The following BCL2L1 variants were observed in gnomAD, a reference collection of about 807,000 sequenced individuals.
BCL2L1 encodes the protein bcl-2-like protein 1.
BCL2L1 carries 1 observed loss-of-function variant against 18.7 expected under a neutral mutation model. The ratio of observed to expected loss-of-function variants is 0.05; its 90% CI spans 0.02 to 0.25. The LOEUF (loss-of-function observed/expected upper bound fraction) is 0.25, where lower values mean the gene tolerates loss of function less well. BCL2L1 is among the 10% of genes least tolerant of loss of function. BCL2L1 has a pLI of 1.00. For missense variants in BCL2L1, 207 were observed against 304.9 expected, an observed-to-expected ratio of 0.68 and a Z score of 2.39; for synonymous variants, 103 against 122.7, an observed-to-expected ratio of 0.84 and a Z score of 1.06.
intron 2 of BCL2L1, among the ~76,000 whole-genome samples, chr20:31,721,313 T>C (rs975079369): frequency 6.6e-6 from 1 of 152,192 alleles, no homozygotes; most frequent in South Asian, 2.1e-4. Flanking sequence ...AACCATTGTA[T>C]AAGGTAAGGG....
intron 2 of BCL2L1, among the ~76,000 whole-genome samples, chr20:31,715,404 A>G (rs938707304): frequency 1.2e-4 from 18 of 150,956 alleles, no homozygotes; most frequent in Admixed American, 1.1e-3. Context: ...CCCACCTTCT[A>G]CCCTTTTCCC....
chr20:31,684,769 G>A (rs1325097419), intron 2 of BCL2L1, among the ~76,000 whole-genome samples: 2 of 152,194 alleles, frequency 1.3e-5, no homozygotes, highest in African/African-American at 2.4e-5. Flanking sequence ...TAGTGAACAC[G>A]GCTACAGGTG....
chr20:31,674,474 G>C (rs2060724154), intron 2 of BCL2L1, among the ~76,000 whole-genome samples: 1 of 152,148 alleles, frequency 6.6e-6, no homozygotes, highest in Non-Finnish European at 1.5e-5. Context: ...AGTTTCTAAA[G>C]GACAATCATG....
chr20:31,687,548 G>A lies in BCL2L1; in HGVS notation c.565-21462C>T, dbSNP rs371027416. 1.9e-3 allele frequency among the ~76,000 whole-genome samples: 292 copies of A among 151,644 alleles called. 3 individuals carry two copies. Among genetic ancestry groups the A allele is most frequent in the Middle Eastern group, 0.014 (4 of 292 alleles). ...AAAAAATAGCCGGGTGTGGTGGCAC[G>A]CGCCTGTAATCCCAGCTACTCAGGA... On this transcript the variant is annotated intron_variant, in intron 2 of 2. Transcript: ENST00000307677.
chr20:31,679,877 C>T (rs777623507), intron 2 of BCL2L1, among the ~76,000 whole-genome samples: 4 of 152,064 alleles, frequency 2.6e-5, no homozygotes, highest in Non-Finnish European at 5.9e-5. Flanking sequence ...AATGGGGTTT[C>T]GCTATGTTGG....
At chr20:31,702,938 C>T (rs2061305127) in intron 2 of BCL2L1, among the ~76,000 whole-genome samples, 1 of 146,358 alleles carries the variant, frequency 6.8e-6, no homozygotes, top group Admixed American at 6.8e-5. Context: ...CAGGGCAAGA[C>T]TCCATCTCAA....
At position 31,722,479 on chromosome 20, in the gene BCL2L1, A is replaced by C. The variant is rs114733446; in HGVS notation, c.-130-131T>G. Reference sequence around the variant, plus strand: ...GTCTAGGTTCCAAGATACTTCACTTAAGTCAAATCGAAAGCACCAGTGGAC... The same window carrying C: ...GTCTAGGTTCCAAGATACTTCACTTCAGTCAAATCGAAAGCACCAGTGGAC... On this transcript the variant is annotated intron_variant, in intron 1 of 2. Transcript: ENST00000307677. 1,924 of 322,634 alleles carry C rather than the reference A, an allele frequency of 6.0e-3. 29 individuals carry two copies. Among genetic ancestry groups the C allele is most frequent in the African/African-American group, 0.038 (1,794 of 47,164 alleles). The allele number at this position is 322,634 out of a possible 1,614,324, so 20.0% of individuals were successfully genotyped here. A position where few individuals can be genotyped will look rare whatever the true frequency, so the allele number is the denominator to read the frequency against.
At chr20:31,685,107 GA>G (rs2060932126) in intron 2 of BCL2L1, among the ~76,000 whole-genome samples, 1 of 152,138 alleles carries the variant, frequency 6.6e-6, no homozygotes, top group Admixed American at 6.5e-5. Flanking sequence ...TTTTTATTAA[GA>G]ATTGAGAAAG....
intron 2 of BCL2L1, among the ~76,000 whole-genome samples, chr20:31,678,564 C>G (rs1171534348): frequency 6.6e-6 from 1 of 152,180 alleles, no homozygotes; most frequent in East Asian, 1.9e-4. Context: ...AATTGAGAAG[C>G]AACATTCTGA....
intron 2 of BCL2L1, among the ~76,000 whole-genome samples, chr20:31,687,692 A>AG (rs1568867477): frequency 6.6e-6 from 1 of 150,944 alleles, no homozygotes; most frequent in East Asian, 1.9e-4. Context: ...AAAAAAAAAA[A>AG]AAAAGAAAAT....
chr20:31,683,850 T>C (rs1020929277), intron 2 of BCL2L1, among the ~76,000 whole-genome samples: 17 of 140,138 alleles, frequency 1.2e-4, no homozygotes, highest in African/African-American at 4.4e-4. Flanking sequence ...GTAGCTAGAA[T>C]AGTGGTTGAC....
chr20:31,722,344 A>G lies in BCL2L1; in HGVS notation c.-126T>C. The G allele has an allele frequency of 1.4e-6, 1 of 692,192 alleles. No individual in the cohort carries two copies. The highest frequency in any genetic ancestry group is 2.1e-6 in the Non-Finnish European group (1 of 470,894). 42.9% of individuals were successfully genotyped at this position (692,192 alleles called of 1,614,324 possible). ...CAAGATAAGATTCTGAAGGGAGAGAAAGAGCTTCAGGAAAAAAAAATAATT... is the reference window on the plus strand; with the variant it reads ...CAAGATAAGATTCTGAAGGGAGAGAGAGAGCTTCAGGAAAAAAAAATAATT... On this transcript the variant is annotated 5_prime_UTR_variant, in exon 2 of 3. Coordinates refer to ENST00000307677, the MANE Select transcript of BCL2L1 (RefSeq NM_138578.3).
At chr20:31,716,935 T>C (rs1404962113) in intron 2 of BCL2L1, 1 of 151,972 alleles carries the variant, frequency 6.6e-6, no homozygotes, top group African/African-American at 2.4e-5. Context: ...GTCTGCCAAC[T>C]GGGAACAAGG....
At chr20:31,683,468 A>G (rs1006203181) in intron 2 of BCL2L1, among the ~76,000 whole-genome samples, 1 of 152,296 alleles carries the variant, frequency 6.6e-6, no homozygotes, top group Non-Finnish European at 1.5e-5. Flanking sequence ...CTGTCCTCTT[A>G]GAATGTAAAC....
At chr20:31,711,585 T>A (rs986237620) in intron 2 of BCL2L1, among the ~76,000 whole-genome samples, 2 of 152,186 alleles carry the variant, frequency 1.3e-5, no homozygotes, top group African/African-American at 4.8e-5. Flanking sequence ...TTACAAAGCA[T>A]TTGTCAATAT....
intron 2 of BCL2L1, among the ~76,000 whole-genome samples, chr20:31,693,182 A>G (rs1183541644): frequency 1.4e-5 from 2 of 141,560 alleles, no homozygotes; most frequent in Non-Finnish European, 3.0e-5. Context: ...AAAAAAAAAA[A>G]GGTAGCCAGG....
At chr20:31,688,471 AAAAAGAAAAG>A (rs555815717) in intron 2 of BCL2L1, among the ~76,000 whole-genome samples, 30 of 151,662 alleles carry the variant, frequency 2.0e-4, no homozygotes, top group East Asian at 5.8e-4. Context: ...GAAAGAAAAG[AAAAAGAAAAG>A]AAAAGAAAAG....
intron 2 of BCL2L1, among the ~76,000 whole-genome samples, chr20:31,701,102 G>A (rs895664279): frequency 6.6e-6 from 1 of 151,998 alleles, no homozygotes; most frequent in Admixed American, 6.6e-5. Context: ...TCGCCAGGCC[G>A]GAGTGCAGTG....
chr20:31,665,665 G>GC lies in BCL2L1; in HGVS notation c.*283dup. Reference sequence around the variant, plus strand: ...TGCACCAATCAGGTAGGGCCCTCCTGCCCCCAGCCACAAACCCTTCCATAC... The same window carrying GC: ...TGCACCAATCAGGTAGGGCCCTCCTGCCCCCCAGCCACAAACCCTTCCATAC... On this transcript the variant is annotated 3_prime_UTR_variant, in exon 3 of 3. Coordinates refer to ENST00000307677, the MANE Select transcript of BCL2L1 (RefSeq NM_138578.3). 1 of 483,510 alleles carries GC rather than the reference G, an allele frequency of 2.1e-6. No individual in the cohort carries two copies. Among genetic ancestry groups the GC allele is most frequent in the Non-Finnish European group, 3.7e-6 (1 of 269,962 alleles). 30.0% of individuals were successfully genotyped at this position (483,510 alleles called of 1,614,324 possible). A position where few individuals can be genotyped will look rare whatever the true frequency, so the allele number is the denominator to read the frequency against.
Sources: gnomAD v4.1 joint callset for allele counts (sites outside exome capture counted in the v4.1 genomes callset) on GRCh38, gnomAD v4.1.1 for gene constraint, MANE v1.5 for transcripts, NCBI Gene and HGNC (gene_info 2026-07-23, HGNC 2026-07-21) for gene names.